PATJ: variants seen among roughly 807,000 people sequenced by gnomAD.
PATJ encodes inaD-like protein.
A neutral mutation model predicts 224.9 loss-of-function variants in PATJ; 190 were observed. The observed-to-expected ratio is 0.84, with a 90% confidence interval of 0.75 to 0.95. The LOEUF is 0.95. Among genes scored for constraint, PATJ ranks in the 40% least tolerant of loss-of-function variants. The pLI is 0.00. For synonymous variants in PATJ, 769 were observed against 820.3 expected, an observed-to-expected ratio of 0.94 and a Z score of 1.07; for missense variants, 2,121 against 2,270.3, an observed-to-expected ratio of 0.93 and a Z score of 1.34.
At chr1:61,945,969 G>A (rs1014636775) in intron 27 of PATJ, among the ~76,000 whole-genome samples, 3 of 152,164 alleles carry the variant, frequency 2.0e-5, no homozygotes, top group African/African-American at 7.2e-5. Flanking sequence ...AATGACTACT[G>A]GGTACATAAT....
intron 1 of PATJ, among the ~76,000 whole-genome samples, chr1:61,744,382 T>G (rs1389957750): frequency 6.6e-6 from 1 of 152,092 alleles, no homozygotes; most frequent in Non-Finnish European, 1.5e-5. Context: ...GTGGTTATTT[T>G]AGTTCCTTCT....
chr1:61,913,066 G>A (rs1672927889), intron 25 of PATJ, among the ~76,000 whole-genome samples: 1 of 152,110 alleles, frequency 6.6e-6, no homozygotes, highest in Non-Finnish European at 1.5e-5. Context: ...ACACGTTTCT[G>A]AGACTTTCTC....
intron 17 of PATJ, among the ~76,000 whole-genome samples, chr1:61,845,913 G>A (rs967323125): frequency 1.3e-5 from 2 of 152,084 alleles, no homozygotes; most frequent in Non-Finnish European, 2.9e-5. Context: ...ATATCTGGAG[G>A]GCATAGATTC....
At chr1:62,069,222 C>T (rs1348510800) in intron 31 of PATJ, among the ~76,000 whole-genome samples, 1 of 152,170 alleles carries the variant, frequency 6.6e-6, no homozygotes, top group Admixed American at 6.6e-5. Context: ...TTCCCTTTCC[C>T]TGAAGGTTTA....
intron 25 of PATJ, among the ~76,000 whole-genome samples, chr1:61,911,021 C>A (rs1019297687): frequency 9.9e-5 from 15 of 152,210 alleles, no homozygotes; most frequent in Non-Finnish European, 1.8e-4. Flanking sequence ...AAATTTTGAA[C>A]TTTCCTTAAA....
chr1:62,120,658 T>C (rs879770486), intron 37 of PATJ, among the ~76,000 whole-genome samples: 7 of 152,228 alleles, frequency 4.6e-5, no homozygotes, highest in Non-Finnish European at 8.8e-5. Context: ...AAATGTTATA[T>C]ATCCCTAAAA....
At chr1:62,012,767 C>A (rs777334193) in intron 28 of PATJ, among the ~76,000 whole-genome samples, 2 of 151,626 alleles carry the variant, frequency 1.3e-5, no homozygotes, top group East Asian at 1.9e-4. Flanking sequence ...CTCCTAAAAG[C>A]GAATGGCTGC....
In PATJ at chr1:61,742,563, G is replaced by C. The variant is rs1046903779; in HGVS notation, c.-36+8G>C. 6.6e-6 allele frequency: 1 copy of C among 152,450 alleles called. No individual in the cohort carries two copies. Among genetic ancestry groups the C allele is most frequent in the African/African-American group, 2.4e-5 (1 of 41,460 alleles). The allele number at this position is 152,450 out of a possible 1,614,324, so 9.4% of individuals were successfully genotyped here. On this transcript the variant is annotated splice_region_variant and intron_variant, in intron 1 of 43. Transcript: ENST00000642238. The stretch of plus-strand genomic sequence containing the variant: ...GCTCCTCCAGCGCACCAGGTAAAGC[G>C]TGAGGTCCCGGCTGTGCAGTGCGCG...
At chr1:62,036,703 TTAAA>T (rs1418841595) in intron 29 of PATJ, among the ~76,000 whole-genome samples, 9 of 151,018 alleles carry the variant, frequency 6.0e-5, no homozygotes, top group Admixed American at 5.9e-4. Context: ...GGGGTATAAA[TTAAA>T]TAAAGAATAC....
chr1:61,947,395 A>G (rs756571123), intron 27 of PATJ, among the ~76,000 whole-genome samples: 7 of 152,216 alleles, frequency 4.6e-5, no homozygotes, highest in Non-Finnish European at 8.8e-5. Context: ...TCACTGTGCA[A>G]AAATCACAAG....
chr1:61,898,630 G>A (rs914780865), intron 22 of PATJ, among the ~76,000 whole-genome samples: 9 of 152,024 alleles, frequency 5.9e-5, no homozygotes, highest in African/African-American at 2.2e-4. Flanking sequence ...TTCATTTAGC[G>A]GTCCAAAGCC....
At chr1:62,125,236 C>CAA (rs761278812) in intron 39 of PATJ, among the ~76,000 whole-genome samples, 168 of 27,604 alleles carry the variant, frequency 6.1e-3, no homozygotes, top group Non-Finnish European at 9.3e-3. Flanking sequence ...AACCCTGTCT[C>CAA]AAAAAAAAAA....
intron 28 of PATJ, among the ~76,000 whole-genome samples, chr1:62,011,417 G>A (rs540135134): frequency 6.6e-6 from 1 of 152,276 alleles, no homozygotes; most frequent in East Asian, 1.9e-4. Flanking sequence ...AGGCCTCGGA[G>A]GAGAGAAAAA....
intron 20 of PATJ, among the ~76,000 whole-genome samples, chr1:61,874,081 A>G (rs898102417): frequency 2.0e-5 from 3 of 152,198 alleles, no homozygotes; most frequent in African/African-American, 7.2e-5. Flanking sequence ...AAAATTCTGC[A>G]TCAGTGAGGG....
chr1:61,974,125 A>C (rs1250582426), intron 27 of PATJ, among the ~76,000 whole-genome samples: 1 of 151,960 alleles, frequency 6.6e-6, no homozygotes, highest in African/African-American at 2.4e-5. Context: ...ACAGTGGGAC[A>C]TGCTGGTTTA....
Position 62,025,619 on chromosome 1 carries a change from G to A in PATJ, c.3959+7672G>A, listed in dbSNP as rs545653033. Among the ~76,000 whole-genome samples the A allele has an allele frequency of 1.4e-4, 22 of 152,268 alleles. No individual in the cohort carries two copies. In the South Asian group the frequency reaches 3.3e-3, roughly 23 times the overall value. On this transcript the variant is annotated intron_variant, in intron 29 of 43. Transcript: ENST00000642238. ...GCTGATCACTTGAGGCCAGGAGTTC[G>A]AGACCAGCTTGGCCAACATGGCAAA...
At chr1:61,874,489 ACCCAGC>A (rs929494959) in intron 20 of PATJ, among the ~76,000 whole-genome samples, 4 of 152,038 alleles carry the variant, frequency 2.6e-5, no homozygotes, top group Non-Finnish European at 4.4e-5. Context: ...GAGCCACCAC[ACCCAGC>A]CCCTTGGGCC....
chr1:61,928,298 T>C (rs1332611276), intron 27 of PATJ, among the ~76,000 whole-genome samples: 4 of 152,244 alleles, frequency 2.6e-5, no homozygotes, highest in Non-Finnish European at 4.4e-5. Flanking sequence ...TATGCATTCA[T>C]ACATATATTT....
At chr1:61,921,384 G>A (rs1674311086) in intron 26 of PATJ, among the ~76,000 whole-genome samples, 1 of 152,210 alleles carries the variant, frequency 6.6e-6, no homozygotes, top group Non-Finnish European at 1.5e-5. Context: ...ATTCAGATTA[G>A]CAGTAGCACA....
Sources: allele counts gnomAD v4.1 joint callset (sites outside exome capture counted in the v4.1 genomes callset), GRCh38; gene constraint gnomAD v4.1.1; transcripts MANE v1.5; gene names NCBI Gene and HGNC (gene_info 2026-07-23, HGNC 2026-07-21).